Variants in STPG2 observed in about 807,000 individuals in gnomAD.
STPG2 encodes sperm tail PG-rich repeat containing 2.
In STPG2, 56 loss-of-function variants were observed where a neutral mutation model predicts 54.2. The ratio of observed to expected loss-of-function variants is 1.03; its 90% confidence interval spans 0.83 to 1.29. The LOEUF is 1.29. STPG2 is among the 50% of genes most tolerant of loss of function. The pLI is 0.00. For synonymous variants in STPG2, 200 were observed against 181.8 expected, an observed-to-expected ratio of 1.10 and a Z score of -0.81; for missense variants, 596 against 544.9, an observed-to-expected ratio of 1.09 and a Z score of -0.93.
chr4:97,956,074 C>T (rs1422008949), intron 7 of STPG2, among the ~76,000 whole-genome samples: 2 of 151,840 alleles, frequency 1.3e-5, no homozygotes, highest in Non-Finnish European at 2.9e-5. Context: ...AAAAAGTAAT[C>T]CACACAACAA....
intron 10 of STPG2, among the ~76,000 whole-genome samples, chr4:97,647,515 G>A (rs1721944410): frequency 6.6e-6 from 1 of 152,096 alleles, no homozygotes; most frequent in South Asian, 2.1e-4. Flanking sequence ...CACCCTGCCA[G>A]GAGATTCAGC....
intron 8 of STPG2, among the ~76,000 whole-genome samples, chr4:97,888,335 T>C (rs72686445): frequency 0.16 from 24,578 of 152,096 alleles, 2,160 homozygotes; most frequent in East Asian, 0.36. Flanking sequence ...AGAGCAGCCA[T>C]GGGGGCTGAG....
At chr4:97,786,303 C>A (rs2149076535) in intron 9 of STPG2, among the ~76,000 whole-genome samples, 1 of 151,088 alleles carries the variant, frequency 6.6e-6, no homozygotes, top group Admixed American at 6.6e-5. Flanking sequence ...CATGGTATAT[C>A]TCTCAATTAA....
chr4:98,018,316 T>A (rs1031565472), intron 5 of STPG2, among the ~76,000 whole-genome samples: 8 of 152,110 alleles, frequency 5.3e-5, no homozygotes, highest in African/African-American at 1.9e-4. Flanking sequence ...TGATTTCCAG[T>A]TTCATCCATG....
intron 8 of STPG2, among the ~76,000 whole-genome samples, chr4:97,856,813 A>C (rs925279351): frequency 2.6e-5 from 4 of 152,154 alleles, no homozygotes; most frequent in Non-Finnish European, 5.9e-5. Context: ...CATGGCTCTC[A>C]TTATTTTGAA....
At chr4:97,730,783 C>T (rs897767197) in intron 9 of STPG2, among the ~76,000 whole-genome samples, 5 of 152,052 alleles carry the variant, frequency 3.3e-5, no homozygotes, top group African/African-American at 9.7e-5. Flanking sequence ...AGATTCTTTC[C>T]TCAGCTTGTT....
chr4:97,979,982 C>T (rs2149262348), intron 6 of STPG2, among the ~76,000 whole-genome samples: 1 of 152,178 alleles, frequency 6.6e-6, no homozygotes, highest in East Asian at 1.9e-4. Flanking sequence ...CTCAGCCTCC[C>T]CAAGTTATGG....
At chr4:97,760,301 G>A (rs975341852) in intron 9 of STPG2, among the ~76,000 whole-genome samples, 3 of 152,216 alleles carry the variant, frequency 2.0e-5, no homozygotes, top group African/African-American at 7.2e-5. Context: ...ACCCTTCCCA[G>A]AATCTAGCTC....
intron 4 of STPG2, among the ~76,000 whole-genome samples, chr4:97,454,787 T>C (rs1729473985): frequency 6.6e-6 from 1 of 151,920 alleles, no homozygotes. Flanking sequence ...TGAGATGATA[T>C]TTATGTTGTT....
chr4:98,019,691 A>G (rs36127059), intron 5 of STPG2, among the ~76,000 whole-genome samples: 1 of 127,260 alleles, frequency 7.9e-6, no homozygotes, highest in African/African-American at 3.1e-5. Context: ...CTTTTATTTC[A>G]TTGAGCAGTG....
chr4:97,918,603 A>G (rs1032647493), intron 8 of STPG2, among the ~76,000 whole-genome samples: 8 of 152,248 alleles, frequency 5.3e-5, no homozygotes, highest in Middle Eastern at 3.4e-3. Context: ...ATATACACAC[A>G]CACATACACA....
intron 10 of STPG2, among the ~76,000 whole-genome samples, chr4:97,637,666 T>C (rs954284733): frequency 2.6e-5 from 4 of 152,150 alleles, no homozygotes; most frequent in African/African-American, 9.7e-5. Context: ...AAAATCAATG[T>C]GCAAAAATCA....
At chr4:97,540,129 A>G in intron 4 of STPG2, among the ~76,000 whole-genome samples, 1 of 152,198 alleles carries the variant, frequency 6.6e-6, no homozygotes, top group Non-Finnish European at 1.5e-5. Flanking sequence ...CTAAGATCAG[A>G]GCAGAACTGA....
At chr4:97,703,521 A>G (rs1300445645) in intron 10 of STPG2, among the ~76,000 whole-genome samples, 2 of 140,398 alleles carry the variant, frequency 1.4e-5, no homozygotes, top group East Asian at 2.1e-4. Context: ...TATAGACTAT[A>G]TACTATATAT....
chr4:97,651,944 A>G (rs1722080894), intron 10 of STPG2, among the ~76,000 whole-genome samples: 2 of 151,988 alleles, frequency 1.3e-5, no homozygotes, highest in South Asian at 2.1e-4. Flanking sequence ...TTCTTGCCAT[A>G]TGAAAATACA....
At position 97,870,451 on chromosome 4, in the gene STPG2, G is replaced by A. The variant is rs534041713; in HGVS notation, c.1045-29519C>T. On this transcript the variant is annotated intron_variant, in intron 8 of 10. Coordinates refer to ENST00000295268, the MANE Select transcript of STPG2 (RefSeq NM_174952.3). ...TGAAACAAAGGGATTTCAAAAGTCTGGGAAAAATAAAAGGGTAAGCAAAGA... is the reference window on the plus strand; with the variant it reads ...TGAAACAAAGGGATTTCAAAAGTCTAGGAAAAATAAAAGGGTAAGCAAAGA... 2.0e-5 allele frequency among the ~76,000 whole-genome samples: 3 copies of A among 151,300 alleles called. No individual in the cohort carries two copies. The Middle Eastern group carries it at 0.01, about 518-fold the overall frequency.
chr4:97,544,036 A>G (rs2148863683), intron 4 of STPG2, among the ~76,000 whole-genome samples: 1 of 152,264 alleles, frequency 6.6e-6, no homozygotes, highest in South Asian at 2.1e-4. Context: ...AGAAAACTGT[A>G]CAGAGAGGTC....
intron 8 of STPG2, among the ~76,000 whole-genome samples, chr4:97,923,908 C>T (rs563623607): frequency 6.6e-6 from 1 of 152,258 alleles, no homozygotes; most frequent in South Asian, 2.1e-4. Flanking sequence ...CCAATCGGCT[C>T]TCTGTAAAAT....
chr4:98,092,276 T>C (rs989691350), intron 5 of STPG2, among the ~76,000 whole-genome samples: 4 of 152,052 alleles, frequency 2.6e-5, no homozygotes, highest in Non-Finnish European at 4.4e-5. Context: ...AAAACTTTCC[T>C]TAGAAAATGG....
Sources: gnomAD v4.1 joint callset for allele counts (sites outside exome capture counted in the v4.1 genomes callset) on GRCh38, gnomAD v4.1.1 for gene constraint, MANE v1.5 for transcripts, NCBI Gene and HGNC (gene_info 2026-07-23, HGNC 2026-07-21) for gene names.